The following DLG2 variants were observed in gnomAD, a reference collection of about 807,000 sequenced individuals.
DLG2 encodes the protein disks large homolog 2.
In DLG2, 45 loss-of-function variants were observed where a neutral mutation model predicts 132.5. The ratio of observed to expected loss-of-function variants is 0.34; its 90% CI spans 0.27 to 0.44. The LOEUF is 0.44. DLG2 is among the 20% of genes least tolerant of loss of function. The pLI, the probability that DLG2 is intolerant of heterozygous loss-of-function variation, is 1.00. For synonymous variants in DLG2, 424 were observed against 419.6 expected (o/e 1.01, Z -0.13); for missense variants, 1,045 against 1,196.9 (o/e 0.87, Z 1.87).
intron 3 of DLG2, among the ~76,000 whole-genome samples, chr11:85,377,949 G>T (rs1045268032): frequency 2.6e-5 from 4 of 151,158 alleles, no homozygotes; most frequent in African/African-American, 9.8e-5. Context: ...TAGTTATAAG[G>T]AGATTTGTAC....
intron 7 of DLG2, among the ~76,000 whole-genome samples, chr11:84,299,749 G>T (rs886293409): frequency 3.3e-5 from 5 of 152,178 alleles, no homozygotes; most frequent in African/African-American, 4.8e-5. Context: ...AAACTCAAAA[G>T]AATCTCTTTC....
chr11:83,840,547 A>G (rs2057313979), intron 16 of DLG2, among the ~76,000 whole-genome samples: 2 of 152,190 alleles, frequency 1.3e-5, no homozygotes, highest in Admixed American at 1.3e-4. Context: ...CATTTCATCT[A>G]AAAGGGGGCT....
chr11:85,015,656 C>T (rs2154137358), intron 6 of DLG2, among the ~76,000 whole-genome samples: 1 of 152,230 alleles, frequency 6.6e-6, no homozygotes, highest in South Asian at 2.1e-4. Context: ...ACACTTAAAA[C>T]TCCAGCCTCT....
chr11:84,334,543 G>A lies in DLG2; in HGVS notation c.520-83252C>T, dbSNP rs141761098. Among the ~76,000 whole-genome samples the A allele has an allele frequency of 4.3e-3, 651 of 152,264 alleles. 4 individuals are homozygous for A. The highest frequency in any genetic ancestry group is 7.2e-3 in the Non-Finnish European group (487 of 68,008). Reference sequence around the variant, plus strand: ...TCAATTCTCAAAGGTAGCAAACTACGCAAAGTTGAAACCTGTCTGTTCATA... The same window carrying A: ...TCAATTCTCAAAGGTAGCAAACTACACAAAGTTGAAACCTGTCTGTTCATA... On this transcript the variant is annotated intron_variant, in intron 7 of 27. Transcript: ENST00000376104.
chr11:84,305,567 G>A (rs907357662), intron 7 of DLG2, among the ~76,000 whole-genome samples: 2 of 151,974 alleles, frequency 1.3e-5, no homozygotes, highest in African/African-American at 2.4e-5. Flanking sequence ...GTCAAAATAG[G>A]GCATGCCAGT....
At chr11:84,208,317 T>G (rs74952506) in intron 8 of DLG2, among the ~76,000 whole-genome samples, 19 of 151,482 alleles carry the variant, frequency 1.3e-4, no homozygotes, top group African/African-American at 4.4e-4. Context: ...TGGGCCATGG[T>G]CACTCATATT....
At chr11:83,775,894 C>T (rs1269787939) in intron 18 of DLG2, among the ~76,000 whole-genome samples, 3 of 152,048 alleles carry the variant, frequency 2.0e-5, no homozygotes, top group Admixed American at 1.3e-4. Context: ...AGATCGAGAC[C>T]ATCCTGGCTA....
intron 7 of DLG2, among the ~76,000 whole-genome samples, chr11:84,409,842 T>C (rs2154456888): frequency 6.6e-6 from 1 of 152,290 alleles, no homozygotes; most frequent in East Asian, 1.9e-4. Context: ...CGTAGCACAA[T>C]TCCTCCCTCC....
chr11:84,984,322 A>C (rs2056183230), intron 6 of DLG2, among the ~76,000 whole-genome samples: 1 of 152,224 alleles, frequency 6.6e-6, no homozygotes, highest in South Asian at 2.1e-4. Context: ...TTGGGACTCT[A>C]TATTCAGCCT....
chr11:85,107,927 TAAAAAAAAA>T (rs5793156), intron 6 of DLG2, among the ~76,000 whole-genome samples: 2 of 26,272 alleles, frequency 7.6e-5, no homozygotes, highest in African/African-American at 1.6e-4. Context: ...GGACAAGTCT[TAAAAAAAAA>T]AAAAAAAAAA....
At chr11:84,029,589 A>T (rs866433077) in intron 11 of DLG2, among the ~76,000 whole-genome samples, 1 of 152,174 alleles carries the variant, frequency 6.6e-6, no homozygotes, top group Non-Finnish European at 1.5e-5. Context: ...TGAATAATAC[A>T]GTAAAAATAC....
chr11:84,667,085 T>C (rs71469652), intron 6 of DLG2, among the ~76,000 whole-genome samples: 7,113 of 152,274 alleles, frequency 0.047, 211 homozygotes, highest in Middle Eastern at 0.082. Flanking sequence ...ATATCCGTTA[T>C]GTGAGTGTTA....
At chr11:85,325,128 C>T (rs7934712) in intron 3 of DLG2, among the ~76,000 whole-genome samples, 7,737 of 83,760 alleles carry the variant, frequency 0.092, no homozygotes, top group Admixed American at 0.15. Flanking sequence ...CCTACGCCCA[C>T]GGAATCTCGC....
At chr11:85,561,282 T>C (rs909327325) in intron 3 of DLG2, among the ~76,000 whole-genome samples, 6 of 123,060 alleles carry the variant, frequency 4.9e-5, no homozygotes, top group African/African-American at 1.9e-4. Flanking sequence ...CAATGAGCTA[T>C]GATCATGCCA....
At chr11:83,544,144 G>C (rs1197226743) in intron 19 of DLG2, among the ~76,000 whole-genome samples, 1 of 152,182 alleles carries the variant, frequency 6.6e-6, no homozygotes, top group Non-Finnish European at 1.5e-5. Context: ...CTTCCTGTGT[G>C]ACACTACTGA....
At chr11:85,607,900 T>C (rs1424171526) in intron 2 of DLG2, among the ~76,000 whole-genome samples, 2 of 152,074 alleles carry the variant, frequency 1.3e-5, no homozygotes, top group African/African-American at 4.8e-5. Flanking sequence ...ATGGGTAAAA[T>C]CCCAATACTA....
intron 15 of DLG2, among the ~76,000 whole-genome samples, chr11:83,881,209 C>A (rs2066168936): frequency 1.3e-5 from 2 of 151,998 alleles, no homozygotes; most frequent in African/African-American, 4.8e-5. Flanking sequence ...TCATAGCAGC[C>A]CAAGATAACA....
chr11:85,569,330 C>A (rs1453597823), intron 3 of DLG2, among the ~76,000 whole-genome samples: 2 of 152,178 alleles, frequency 1.3e-5, no homozygotes, highest in Non-Finnish European at 2.9e-5. Flanking sequence ...CCACACCCAG[C>A]CTCTTCTTTC....
chr11:85,414,779 A>G (rs1430240519), intron 3 of DLG2, among the ~76,000 whole-genome samples: 2 of 151,960 alleles, frequency 1.3e-5, no homozygotes, highest in Non-Finnish European at 2.9e-5. Flanking sequence ...GGGTAGCTCC[A>G]GTGTTAGGTG....
Sources: allele counts gnomAD v4.1 joint callset (sites outside exome capture counted in the v4.1 genomes callset), GRCh38; gene constraint gnomAD v4.1.1; transcripts MANE v1.5; gene names NCBI Gene and HGNC (gene_info 2026-07-23, HGNC 2026-07-21).